The following ARHGAP28 variants were observed in gnomAD, a reference collection of about 807,000 sequenced individuals.
The protein encoded by ARHGAP28 is Rho GTPase activating protein 28.
ARHGAP28 carries 56 observed loss-of-function variants against 90.7 expected under a neutral mutation model. The observed-to-expected ratio is 0.62, with a 90% CI of 0.50 to 0.77. ARHGAP28 has a LOEUF of 0.77. ARHGAP28 is among the 30% of genes least tolerant of loss of function. The probability of loss-of-function intolerance (pLI) is 0.00; values close to 1 mark genes in which losing one functional copy is unlikely to be tolerated. For synonymous variants in ARHGAP28, 308 were observed against 323.3 expected, an observed-to-expected ratio of 0.95 and a Z score of 0.51; for missense variants, 869 against 900.9, an observed-to-expected ratio of 0.96 and a Z score of 0.45.
chr18:6,826,951 C>T (rs866136072), intron 2 of ARHGAP28, among the ~76,000 whole-genome samples: 12 of 152,204 alleles, frequency 7.9e-5, no homozygotes, highest in Middle Eastern at 3.4e-3. Context: ...CACCCTTAAT[C>T]CATTTAACCA....
intron 10 of ARHGAP28, 124 bp from the exon 11 acceptor site, chr18:6,882,013 T>G: frequency 1.2e-6 from 1 of 818,928 alleles, no homozygotes. Flanking sequence ...AAAATTACTC[T>G]TGGTAGACAT....
chr18:6,873,351 G>T (rs1241940574), intron 7 of ARHGAP28, 58 bp from the exon 8 acceptor site: 1 of 1,476,766 alleles, frequency 6.8e-7, no homozygotes. Context: ...GCATTTGAGT[G>T]AACGCATAAT....
intron 2 of ARHGAP28, among the ~76,000 whole-genome samples, chr18:6,827,501 G>A (rs1461059925): frequency 2.1e-5 from 3 of 143,290 alleles, no homozygotes; most frequent in African/African-American, 5.2e-5. Context: ...GGGCAGAGGC[G>A]CCCCTCACCT....
chr18:6,893,967 A>G (rs948590445), intron 14 of ARHGAP28, among the ~76,000 whole-genome samples: 1 of 151,078 alleles, frequency 6.6e-6, no homozygotes, highest in African/African-American at 2.4e-5. Context: ...CCTGGGTTCA[A>G]GTGATTCTTC....
intron 1 of ARHGAP28, among the ~76,000 whole-genome samples, chr18:6,754,020 T>C (rs1336023130): frequency 6.6e-6 from 1 of 152,248 alleles, no homozygotes; most frequent in Non-Finnish European, 1.5e-5. Flanking sequence ...TGCAATTATT[T>C]CATTTGTTCT....
At chr18:6,803,287 A>G (rs1172161425) in intron 1 of ARHGAP28, among the ~76,000 whole-genome samples, 24 of 152,152 alleles carry the variant, frequency 1.6e-4, no homozygotes, top group Non-Finnish European at 5.9e-5. Flanking sequence ...ATTTTTTTAC[A>G]GGAAAGGATG....
In ARHGAP28 at chr18:6,868,233, T is replaced by C. The variant is rs755250809; in HGVS notation, c.810T>C (p.Ser270=). 1 of 1,613,880 alleles carries C rather than the reference T, an allele frequency of 6.2e-7. No homozygotes were observed. Among genetic ancestry groups the C allele is most frequent in the Non-Finnish European group, 8.5e-7 (1 of 1,179,770 alleles). ...EPGQPVQNAI[S]DDDFLEKNIP... ...GACAGCCAGTTCAGAATGCGATAAG[T>C]GGTGAGCGGCATGCCTCCTGTTGAA... The change falls in exon 6 of 18, where the codon AGT becomes AGC. Residue 270 remains serine, a splice_region_variant and synonymous_variant. Transcript: ENST00000383472.
chr18:6,859,792 T>C lies in ARHGAP28; in HGVS notation c.637-16T>C. 18 of 1,611,754 alleles carry C rather than the reference T, an allele frequency of 1.1e-5. No individual in the cohort carries two copies. Among genetic ancestry groups the C allele is most frequent in the Non-Finnish European group, 1.5e-5 (18 of 1,178,200 alleles). On this transcript the variant is annotated splice_polypyrimidine_tract_variant and intron_variant, in intron 4 of 17. Transcript: ENST00000383472. ...ATTTGCCTGAATAAGAATGGTACTT[T>C]TATTTCTCCATTTAGCCAGATGATG...
At chr18:6,870,810 T>C (rs970554023) in intron 7 of ARHGAP28, 78 bp downstream of exon 7, 1 of 1,467,234 alleles carries the variant, frequency 6.8e-7, no homozygotes, top group East Asian at 2.3e-5. Flanking sequence ...TTTTTCTTTT[T>C]TTTTTTTGAG....
At chr18:6,841,789 T>G (rs2056829881) in intron 3 of ARHGAP28, among the ~76,000 whole-genome samples, 1 of 152,204 alleles carries the variant, frequency 6.6e-6, no homozygotes, top group African/African-American at 2.4e-5. Context: ...TTTCACCAAC[T>G]TTATCTTTTT....
In ARHGAP28 at chr18:6,893,392, A is replaced by G. The variant is rs146142813; in HGVS notation, c.1849-1443A>G. The stretch of plus-strand genomic sequence containing the variant: ...AAAATGACACACAGCTCTTCCTCTT[A>G]CTTAAGCACTCCCCTAGTTGAAGCC... On this transcript the variant is annotated intron_variant, in intron 14 of 17. Coordinates refer to ENST00000383472, the MANE Select transcript of ARHGAP28 (RefSeq NM_001366230.1). 2.4e-3 allele frequency among the ~76,000 whole-genome samples: 362 copies of G among 152,292 alleles called. 1 individual carries two copies. The highest frequency in any genetic ancestry group is 8.3e-3 in the African/African-American group (346 of 41,550).
chr18:6,895,109 T>C (rs1156230355), intron 15 of ARHGAP28, among the ~76,000 whole-genome samples: 2 of 152,124 alleles, frequency 1.3e-5, no homozygotes, highest in Admixed American at 6.5e-5. Context: ...TGGAAAGTTA[T>C]AGGAGGAATA....
Position 6,859,719 on chromosome 18 carries a change from A to G in ARHGAP28, c.637-89A>G, listed in dbSNP as rs541833834. 2.9e-4 allele frequency: 372 copies of G among 1,265,684 alleles called. No homozygotes were observed. In the African/African-American group the frequency reaches 4.9e-3, roughly 17 times the overall value. The allele number at this position is 1,265,684 out of a possible 1,614,324, so 78.4% of individuals were successfully genotyped here. On this transcript the variant is annotated intron_variant, in intron 4 of 17. Transcript: ENST00000383472. ...GTCATAATTGCATATATTGCCACAC[A>G]TATCTCAGTATGAACACAGAGCAGA...
chr18:6,750,215 GT>G (rs1360310034), intron 1 of ARHGAP28, among the ~76,000 whole-genome samples: 1 of 152,134 alleles, frequency 6.6e-6, no homozygotes, highest in South Asian at 2.1e-4. Context: ...TGAGGTAGGT[GT>G]TTTTTTGCTT....
At chr18:6,750,440 A>G (rs1003616964) in intron 1 of ARHGAP28, among the ~76,000 whole-genome samples, 23 of 152,162 alleles carry the variant, frequency 1.5e-4, no homozygotes, top group East Asian at 3.8e-4. Context: ...CTCTTCCCCA[A>G]TCTTCACCTG....
chr18:6,897,372 C>T (rs1417459665), intron 16 of ARHGAP28: 1 of 152,154 alleles, frequency 6.6e-6, no homozygotes, highest in Admixed American at 6.5e-5. Context: ...CTGTTACTTT[C>T]CTTTAAACAT....
At chr18:6,821,383 C>T (rs1002632274) in intron 1 of ARHGAP28, among the ~76,000 whole-genome samples, 4 of 152,142 alleles carry the variant, frequency 2.6e-5, no homozygotes, top group Middle Eastern at 3.2e-3. Flanking sequence ...TTCAATTTGT[C>T]ATGTAATATT....
At chr18:6,857,046 G>T (rs994491735) in intron 4 of ARHGAP28, among the ~76,000 whole-genome samples, 1 of 152,094 alleles carries the variant, frequency 6.6e-6, no homozygotes, top group African/African-American at 2.4e-5. Context: ...AAATAATGCT[G>T]CCCAGAACAT....
At chr18:6,753,748 G>C (rs1169142560) in intron 1 of ARHGAP28, among the ~76,000 whole-genome samples, 1 of 152,208 alleles carries the variant, frequency 6.6e-6, no homozygotes. Flanking sequence ...CGTAGCTACT[G>C]TATGTTCCGA....
Sources: allele counts gnomAD v4.1 joint callset (sites outside exome capture counted in the v4.1 genomes callset), GRCh38; gene constraint gnomAD v4.1.1; transcripts MANE v1.5; gene names NCBI Gene and HGNC (gene_info 2026-07-23, HGNC 2026-07-21).